Variants in ME3 observed in about 807,000 individuals in gnomAD.
The protein encoded by ME3 is malic enzyme 3, also known as NADP-dependent malic enzyme, mitochondrial.
Under a neutral mutation model 68.9 loss-of-function variants are expected in ME3, and 48 were observed. The ratio of observed to expected loss-of-function variants is 0.70; its 90% CI spans 0.55 to 0.89. The LOEUF (loss-of-function observed/expected upper bound fraction) is 0.89, where lower values mean the gene tolerates loss of function less well. Among genes scored for constraint, ME3 ranks in the 40% least tolerant of loss-of-function variants. The probability of loss-of-function intolerance (pLI) is 0.00; values close to 1 mark genes in which losing one functional copy is unlikely to be tolerated. For missense variants in ME3, 675 were observed against 797.4 expected (o/e 0.85, Z 1.85); for synonymous variants, 320 against 318.8 (o/e 1.00, Z -0.04).
intron 2 of ME3, among the ~76,000 whole-genome samples, chr11:86,656,736 C>G (rs1945906030): frequency 6.6e-6 from 1 of 151,680 alleles, no homozygotes; most frequent in South Asian, 2.1e-4. Context: ...TACCCTAAAA[C>G]TTAAAGTATA....
chr11:86,439,939 C>G (rs1948926827), downstream of ME3, among the ~76,000 whole-genome samples: 1 of 152,112 alleles, frequency 6.6e-6, no homozygotes, highest in South Asian at 2.1e-4. Context: ...TCTCTATGAT[C>G]CCAAGGATCA....
chr11:86,528,387 A>T (rs1256722973), intron 4 of ME3, among the ~76,000 whole-genome samples: 3 of 152,168 alleles, frequency 2.0e-5, no homozygotes, highest in Non-Finnish European at 2.9e-5. Context: ...AGAGACTTAG[A>T]CTCCCACACA....
At chr11:86,511,838 T>A (rs1953551690) in intron 4 of ME3, among the ~76,000 whole-genome samples, 1 of 152,138 alleles carries the variant, frequency 6.6e-6, no homozygotes, top group Non-Finnish European at 1.5e-5. Flanking sequence ...TCTTTTGAGA[T>A]GTTTTTCAGA....
chr11:86,647,491 G>GAA (rs111578218), intron 2 of ME3, among the ~76,000 whole-genome samples: 1 of 122,844 alleles, frequency 8.1e-6, no homozygotes. Context: ...TCTCAAAAAA[G>GAA]AAAAAAAAAA....
intron 2 of ME3, among the ~76,000 whole-genome samples, chr11:86,667,493 A>G (rs1946653693): frequency 6.6e-6 from 1 of 152,210 alleles, no homozygotes; most frequent in African/African-American, 2.4e-5. Flanking sequence ...ATTCAGATTA[A>G]TGAAGTTGAG....
chr11:86,490,855 T>C (rs1008139062), intron 6 of ME3, among the ~76,000 whole-genome samples: 6 of 152,166 alleles, frequency 3.9e-5, no homozygotes, highest in Non-Finnish European at 7.3e-5. Flanking sequence ...AATTTCTCAA[T>C]CCTGCATATG....
intron 8 of ME3, among the ~76,000 whole-genome samples, chr11:86,455,287 T>G (rs910733161): frequency 3.9e-5 from 6 of 152,232 alleles, no homozygotes; most frequent in Admixed American, 3.9e-4. Context: ...TACTAAAACT[T>G]GGGCACAAAA....
chr11:86,600,916 C>T (rs1384143469), intron 2 of ME3, among the ~76,000 whole-genome samples: 1 of 150,536 alleles, frequency 6.6e-6, no homozygotes, highest in African/African-American at 2.4e-5. Context: ...AGAACAAAGA[C>T]ACAACATACC....
chr11:86,451,079 G>T (rs961054958), intron 8 of ME3, among the ~76,000 whole-genome samples: 6 of 152,234 alleles, frequency 3.9e-5, no homozygotes, highest in Admixed American at 6.5e-5. Context: ...CCAACTAGAA[G>T]TGTAAGGTGG....
intron 4 of ME3, among the ~76,000 whole-genome samples, chr11:86,521,350 G>GCGC (rs1192087721): frequency 6.6e-6 from 1 of 151,490 alleles, no homozygotes; most frequent in African/African-American, 2.4e-5. Context: ...AGCCGAGACT[G>GCGC]CGCCACTGCA....
intron 2 of ME3, among the ~76,000 whole-genome samples, chr11:86,657,735 T>A (rs1354799429): frequency 1.3e-5 from 2 of 152,128 alleles, no homozygotes; most frequent in African/African-American, 2.4e-5. Flanking sequence ...AGAAAAAAAA[T>A]AATAACCATC....
chr11:86,536,834 C>T (rs1955697756), intron 4 of ME3, among the ~76,000 whole-genome samples: 1 of 152,108 alleles, frequency 6.6e-6, no homozygotes, highest in Non-Finnish European at 1.5e-5. Flanking sequence ...GACACATGCA[C>T]ACGTATGTTT....
At chr11:86,638,614 G>GT (rs1186913457) in intron 2 of ME3, among the ~76,000 whole-genome samples, 1 of 152,212 alleles carries the variant, frequency 6.6e-6, no homozygotes, top group Non-Finnish European at 1.5e-5. Context: ...CTAGTAAAGG[G>GT]TAAGGGAGCT....
chr11:86,470,627 A>G (rs1452394702), intron 7 of ME3, among the ~76,000 whole-genome samples: 1 of 152,200 alleles, frequency 6.6e-6, no homozygotes, highest in Non-Finnish European at 1.5e-5. Context: ...AGCTTATTTG[A>G]CCAGACACCT....
chr11:86,654,160 T>C (rs748197839), intron 2 of ME3, among the ~76,000 whole-genome samples: 127 of 152,246 alleles, frequency 8.3e-4, no homozygotes, highest in Non-Finnish European at 1.6e-3. Flanking sequence ...CGAATTCTAC[T>C]AGAGATACAA....
At chr11:86,622,782 T>G (rs979170103) in intron 2 of ME3, 12 of 152,002 alleles carry the variant, frequency 7.9e-5, no homozygotes, top group African/African-American at 2.7e-4. Flanking sequence ...TTCCTTTTAT[T>G]TGGTGAGTTC....
At chr11:86,536,318 C>A (rs1186214911) in intron 4 of ME3, among the ~76,000 whole-genome samples, 2 of 147,602 alleles carry the variant, frequency 1.4e-5, no homozygotes, top group Non-Finnish European at 3.0e-5. Flanking sequence ...TTCTGCACAG[C>A]AAAAGAAACT....
intron 2 of ME3, among the ~76,000 whole-genome samples, chr11:86,608,168 A>G (rs1477397563): frequency 6.6e-6 from 1 of 152,190 alleles, no homozygotes; most frequent in East Asian, 1.9e-4. Flanking sequence ...AAGGTTCCAA[A>G]CATTTTTAAA....
At chr11:86,605,245 C>T (rs1961453757) in intron 2 of ME3, among the ~76,000 whole-genome samples, 1 of 152,132 alleles carries the variant, frequency 6.6e-6, no homozygotes, top group South Asian at 2.1e-4. Flanking sequence ...TTTATCCATT[C>T]ATTTGCTGAT....
Sources: allele counts gnomAD v4.1 joint callset (sites outside exome capture counted in the v4.1 genomes callset), GRCh38; gene constraint gnomAD v4.1.1; transcripts MANE v1.5; gene names NCBI Gene and HGNC (gene_info 2026-07-23, HGNC 2026-07-21).